SIK3: variants seen among roughly 807,000 people sequenced by gnomAD.
The protein encoded by SIK3 is SIK family kinase 3.
Under a neutral mutation model 144.2 loss-of-function variants are expected in SIK3, and 28 were observed. That is an observed-to-expected ratio of 0.19 (90% CI 0.14 to 0.27). SIK3 has a LOEUF of 0.27. Ranked by LOEUF, SIK3 falls within the 10% of genes least tolerant of loss-of-function variation. The probability of loss-of-function intolerance (pLI) is 1.00; values close to 1 mark genes in which losing one functional copy is unlikely to be tolerated. For missense variants in SIK3, 1,319 were observed against 1,776.0 expected (o/e 0.74, Z 4.62); for synonymous variants, 686 against 676.3 (o/e 1.01, Z -0.22).
chr11:117,011,515 G>A (rs939686081), intron 1 of SIK3, among the ~76,000 whole-genome samples: 5 of 147,288 alleles, frequency 3.4e-5, no homozygotes, highest in Admixed American at 2.1e-4. Context: ...GAAATTAAAC[G>A]GAAATTTTTT....
intron 4 of SIK3, among the ~76,000 whole-genome samples, chr11:116,922,159 G>A (rs981144188): frequency 2.6e-5 from 4 of 151,990 alleles, no homozygotes; most frequent in Non-Finnish European, 4.4e-5. Context: ...TTATTCTCTC[G>A]AAGAGAACTA....
chr11:116,925,271 G>C (rs77953246), intron 4 of SIK3, among the ~76,000 whole-genome samples: 12,315 of 152,178 alleles, frequency 0.081, 690 homozygotes, highest in South Asian at 0.15. Context: ...AAAAAAAGGT[G>C]GGGGTGGGAG....
chr11:117,063,299 A>G (rs1406183171), intron 1 of SIK3, among the ~76,000 whole-genome samples: 2 of 152,158 alleles, frequency 1.3e-5, no homozygotes, highest in Non-Finnish European at 2.9e-5. Context: ...CTGAAACCAT[A>G]AATTAGTGAG....
At chr11:116,951,603 A>C in intron 3 of SIK3, among the ~76,000 whole-genome samples, 1 of 152,154 alleles carries the variant, frequency 6.6e-6, no homozygotes, top group East Asian at 1.9e-4. Flanking sequence ...CTTGAGGTAC[A>C]TTCACATGAA....
intron 21 of SIK3, chr11:116,857,336 T>C: frequency 5.7e-6 from 1 of 176,236 alleles, no homozygotes; most frequent in Non-Finnish European, 1.2e-5. Context: ...CCATTGTTCC[T>C]CCAACACCTT....
intron 3 of SIK3, among the ~76,000 whole-genome samples, chr11:116,936,249 G>A (rs1471692631): frequency 8.6e-5 from 13 of 151,748 alleles, no homozygotes; most frequent in Admixed American, 6.6e-4. Flanking sequence ...GTGTGATCTC[G>A]GCTCATCACA....
rs1478218455 is a variant in SIK3, at chr11:116,967,008, AAAAAAAG to A, written c.274-9951_274-9945del. Among the ~76,000 whole-genome samples the A allele has an allele frequency of 4.6e-4, 68 of 148,378 alleles. 2 individuals are homozygous for A. Among genetic ancestry groups the A allele is most frequent in the Admixed American group, 6.0e-4 (9 of 15,016 alleles). On this transcript the variant is annotated intron_variant, in intron 1 of 24. Transcript: ENST00000445177. ...GACAGAGCAAGACTCTGTTTCAAAA[AAAAAAAG>A]AAAAAGAAAAAGAAAAAGAAAAGAA...
chr11:117,013,965 T>TC (rs1951404390), intron 1 of SIK3, among the ~76,000 whole-genome samples: 3 of 78,938 alleles, frequency 3.8e-5, no homozygotes, highest in South Asian at 3.9e-4. Context: ...ATTTCTTTTT[T>TC]TCTTTTCTTT....
intron 1 of SIK3, among the ~76,000 whole-genome samples, chr11:117,019,756 G>C (rs543662780): frequency 1.8e-4 from 28 of 152,146 alleles, no homozygotes; most frequent in Admixed American, 1.4e-3. Context: ...TGGGACTACA[G>C]GCGCGTGCCA....
intron 1 of SIK3, among the ~76,000 whole-genome samples, chr11:116,983,167 C>A (rs1387683020): frequency 2.0e-5 from 3 of 149,714 alleles, no homozygotes; most frequent in African/African-American, 4.9e-5. Flanking sequence ...GCGGAGCTTG[C>A]AGTGAGCCAA....
chr11:116,850,749 G>A (rs145990683), intron 21 of SIK3, among the ~76,000 whole-genome samples: 2,847 of 152,246 alleles, frequency 0.019, 101 homozygotes, highest in East Asian at 0.16. Flanking sequence ...GGCCGGGTGC[G>A]TGTAATCCCA....
At chr11:116,981,664 G>A (rs1337574349) in intron 1 of SIK3, among the ~76,000 whole-genome samples, 5 of 151,982 alleles carry the variant, frequency 3.3e-5, no homozygotes, top group South Asian at 2.1e-4. Context: ...ATTTTCTTAC[G>A]CAAACTCACA....
In SIK3 at chr11:117,078,956, T is replaced by TA. The variant is rs1665510629; in HGVS notation, c.273+19186dup. 4.6e-5 allele frequency among the ~76,000 whole-genome samples: 7 copies of TA among 150,970 alleles called. No individual in the cohort carries two copies. The South Asian group carries it at 1.5e-3, about 32-fold the overall frequency. On this transcript the variant is annotated intron_variant, in intron 1 of 24. Transcript: ENST00000445177. ...AAAATGAGAGTTTTTTAAAAGACAC[T>TA]AAAGAGGTCATGCCAGAATTAAGTA...
chr11:117,087,036 A>G (rs1308307359), intron 1 of SIK3, among the ~76,000 whole-genome samples: 1 of 150,936 alleles, frequency 6.6e-6, no homozygotes, highest in Non-Finnish European at 1.5e-5. Context: ...GGTGATCAAG[A>G]GTCTGTTTCT....
intron 1 of SIK3, among the ~76,000 whole-genome samples, chr11:117,014,012 C>T (rs1295514128): frequency 1.1e-5 from 1 of 88,088 alleles, no homozygotes; most frequent in Non-Finnish European, 2.2e-5. Flanking sequence ...GATGGTCTTG[C>T]TCTGTCACCC....
Position 116,873,650 on chromosome 11 carries a change from AG to A in SIK3, c.1582-15del. 6.5e-7 allele frequency: 1 copy of A among 1,537,708 alleles called. No individual in the cohort carries two copies. The highest frequency in any genetic ancestry group is 8.7e-7 in the Non-Finnish European group (1 of 1,146,812). On this transcript the variant is annotated splice_polypyrimidine_tract_variant and intron_variant, in intron 12 of 24. Transcript: ENST00000445177. ...GAGAGACTGCTCCTGCCAGGAACAGAGTGGGGAGGACGGACCATGAGATGAG... is the reference window on the plus strand; with the variant it reads ...GAGAGACTGCTCCTGCCAGGAACAGATGGGGAGGACGGACCATGAGATGAG...
rs2289890 is a variant in SIK3 at position 116,953,904 on chromosome 11, G to A, written c.454+140C>T. ...TAGATTAATCAAAACAAATTAAAAT[G>A]CCTTTGTTGATAGAAAATGGCAGGA... On this transcript the variant is annotated intron_variant, in intron 3 of 24. Coordinates refer to ENST00000445177, the MANE Select transcript of SIK3 (RefSeq NM_001366686.3). 0.067 allele frequency: 40,446 copies of A among 603,818 alleles called. 1,590 individuals are homozygous for A. Among genetic ancestry groups the A allele is most frequent in the Middle Eastern group, 0.11 (447 of 3,896 alleles). 37.4% of individuals were successfully genotyped at this position (603,818 alleles called of 1,614,324 possible).
chr11:116,899,774 A>T (rs1434954406), intron 4 of SIK3, among the ~76,000 whole-genome samples: 1 of 152,074 alleles, frequency 6.6e-6, no homozygotes, highest in Non-Finnish European at 1.5e-5. Context: ...ATGTATGTGT[A>T]CCCATGTGAC....
chr11:116,860,134 A>G, intron 19 of SIK3, among the ~76,000 whole-genome samples: 1 of 152,062 alleles, frequency 6.6e-6, no homozygotes, highest in Middle Eastern at 3.2e-3. Flanking sequence ...AATCCCAGCT[A>G]CTTGGGAGGC....
Sources: gnomAD v4.1 joint callset for allele counts (sites outside exome capture counted in the v4.1 genomes callset) on GRCh38, gnomAD v4.1.1 for gene constraint, MANE v1.5 for transcripts, NCBI Gene and HGNC (gene_info 2026-07-23, HGNC 2026-07-21) for gene names.